NRXN1: variants seen among roughly 807,000 people sequenced by gnomAD.
NRXN1 encodes the protein neurexin-1.
NRXN1 carries 39 observed loss-of-function variants against 150.9 expected under a neutral mutation model. The ratio of observed to expected loss-of-function variants is 0.26; its 90% CI spans 0.20 to 0.34. NRXN1 has a LOEUF of 0.34. Among genes scored for constraint, NRXN1 ranks in the 10% least tolerant of loss-of-function variants. The probability of loss-of-function intolerance (pLI) is 1.00; values close to 1 mark genes in which losing one functional copy is unlikely to be tolerated. For synonymous variants in NRXN1, 924 were observed against 757.0 expected (o/e 1.22, Z -3.62); for missense variants, 1,815 against 1,949.9 (o/e 0.93, Z 1.30).
At chr2:50,391,776 G>T (rs1298029534) in intron 17 of NRXN1, among the ~76,000 whole-genome samples, 1 of 152,056 alleles carries the variant, frequency 6.6e-6, no homozygotes, top group Non-Finnish European at 1.5e-5. Context: ...AAAATGGTCA[G>T]GCTGCAACAA....
At chr2:50,291,221 C>A (rs1226884280) in intron 17 of NRXN1, among the ~76,000 whole-genome samples, 1 of 150,794 alleles carries the variant, frequency 6.6e-6, no homozygotes, top group East Asian at 1.9e-4. Context: ...AGGAACTGAA[C>A]AGTTTCAACA....
chr2:50,685,826 C>G (rs1436405689), intron 5 of NRXN1, among the ~76,000 whole-genome samples: 2 of 152,200 alleles, frequency 1.3e-5, no homozygotes, highest in East Asian at 3.9e-4. Flanking sequence ...CTCATTTGCA[C>G]CTGGAAAATC....
chr2:50,442,902 A>G (rs1177747893), intron 17 of NRXN1, among the ~76,000 whole-genome samples: 1 of 152,178 alleles, frequency 6.6e-6, no homozygotes, highest in Non-Finnish European at 1.5e-5. Flanking sequence ...GGATGATTAG[A>G]TAATGAGTAG....
intron 5 of NRXN1, among the ~76,000 whole-genome samples, chr2:50,820,751 G>T (rs1415267080): frequency 6.6e-6 from 1 of 152,052 alleles, no homozygotes; most frequent in East Asian, 1.9e-4. Context: ...GTGATTTCAG[G>T]TTCCAGTTTC....
intron 22 of NRXN1, among the ~76,000 whole-genome samples, chr2:49,938,535 CTAA>C (rs1671434790): frequency 6.6e-6 from 1 of 152,108 alleles, no homozygotes; most frequent in Non-Finnish European, 1.5e-5. Context: ...CCCCCAATGA[CTAA>C]TGAGATATTT....
At chr2:50,879,621 G>A (rs570519218) in intron 5 of NRXN1, among the ~76,000 whole-genome samples, 1 of 152,000 alleles carries the variant, frequency 6.6e-6, no homozygotes, top group South Asian at 2.1e-4. Context: ...ATAGGAGTTG[G>A]GGTGGTGGGG....
intron 17 of NRXN1, among the ~76,000 whole-genome samples, chr2:50,334,446 A>T (rs568662873): frequency 6.6e-6 from 1 of 151,982 alleles, no homozygotes. Flanking sequence ...CCACATACCC[A>T]TCTTTCAGAG....
At chr2:50,906,167 C>T (rs552613064) in intron 5 of NRXN1, among the ~76,000 whole-genome samples, 73 of 152,006 alleles carry the variant, frequency 4.8e-4, no homozygotes, top group Admixed American at 1.1e-3. Flanking sequence ...TTAAAAATAC[C>T]AAGTAGATTA....
At chr2:50,443,874 T>C (rs2086177770) in intron 17 of NRXN1, among the ~76,000 whole-genome samples, 1 of 152,218 alleles carries the variant, frequency 6.6e-6, no homozygotes, top group African/African-American at 2.4e-5. Flanking sequence ...GATTTTTTTC[T>C]GTCTTATAGA....
At chr2:50,003,105 C>T (rs977669195) in intron 21 of NRXN1, among the ~76,000 whole-genome samples, 3 of 152,062 alleles carry the variant, frequency 2.0e-5, no homozygotes, top group Middle Eastern at 3.4e-3. Flanking sequence ...CAGTGGTTTT[C>T]GAGATAGTTA....
At chr2:50,474,583 G>C (rs748973257) in intron 15 of NRXN1, among the ~76,000 whole-genome samples, 1 of 144,346 alleles carries the variant, frequency 6.9e-6, no homozygotes, top group African/African-American at 2.6e-5. Context: ...CTGCATGGTG[G>C]ACTTAGATAA....
intron 21 of NRXN1, among the ~76,000 whole-genome samples, chr2:50,035,483 A>G (rs1689886749): frequency 6.6e-6 from 1 of 152,150 alleles, no homozygotes; most frequent in Non-Finnish European, 1.5e-5. Context: ...TAGGAATGTG[A>G]ACAATAAAAA....
At chr2:50,407,341 G>T (rs1466952727) in intron 17 of NRXN1, among the ~76,000 whole-genome samples, 1 of 152,054 alleles carries the variant, frequency 6.6e-6, no homozygotes. Flanking sequence ...TGTTCAAAAT[G>T]AATAACAGCT....
intron 15 of NRXN1, among the ~76,000 whole-genome samples, chr2:50,494,629 T>C (rs1384702864): frequency 6.6e-6 from 1 of 152,198 alleles, no homozygotes; most frequent in Non-Finnish European, 1.5e-5. Flanking sequence ...ACATTTTATA[T>C]GTTGAGCAAA....
chr2:51,030,556 A>G (rs546453434), intron 1 of NRXN1, among the ~76,000 whole-genome samples: 1 of 151,762 alleles, frequency 6.6e-6, no homozygotes, highest in African/African-American at 2.4e-5. Flanking sequence ...ACACACACAC[A>G]CACACACACA....
intron 5 of NRXN1, among the ~76,000 whole-genome samples, chr2:50,754,466 C>T (rs903857496): frequency 2.6e-5 from 4 of 151,706 alleles, no homozygotes; most frequent in African/African-American, 7.3e-5. Context: ...TTATGCCATA[C>T]AAAATATTAC....
At chr2:50,701,383 G>A (rs1460371896) in intron 5 of NRXN1, among the ~76,000 whole-genome samples, 2 of 151,772 alleles carry the variant, frequency 1.3e-5, no homozygotes, top group African/African-American at 2.4e-5. Flanking sequence ...TCACACTTTT[G>A]GTAACATACT....
intron 21 of NRXN1, among the ~76,000 whole-genome samples, chr2:49,949,795 ATAGC>A (rs1165880129): frequency 6.6e-6 from 1 of 151,890 alleles, no homozygotes; most frequent in African/African-American, 2.4e-5. Flanking sequence ...GACTGAATTG[ATAGC>A]AACAGTTAGT....
At chr2:50,540,417 G>T (rs1208370346) in intron 9 of NRXN1, among the ~76,000 whole-genome samples, 1 of 152,110 alleles carries the variant, frequency 6.6e-6, no homozygotes, top group East Asian at 1.9e-4. Flanking sequence ...GAGAATGGTG[G>T]CTCTTTTCTA....
Sources: allele counts gnomAD v4.1 joint callset (sites outside exome capture counted in the v4.1 genomes callset), GRCh38; gene constraint gnomAD v4.1.1; transcripts MANE v1.5; gene names NCBI Gene and HGNC (gene_info 2026-07-23, HGNC 2026-07-21).